Variants in CACNA1H observed in about 807,000 individuals in gnomAD.
The protein encoded by CACNA1H is voltage-dependent T-type calcium channel subunit alpha-1H.
A neutral mutation model predicts 192.5 loss-of-function variants in CACNA1H; 149 were observed. The observed-to-expected ratio is 0.77, with a 90% CI of 0.68 to 0.89. The LOEUF is 0.89. CACNA1H is among the 40% of genes least tolerant of loss of function. CACNA1H has a pLI of 0.00. For synonymous variants in CACNA1H, 2,202 were observed against 1,475.2 expected (o/e 1.49, Z -11.29); for missense variants, 4,257 against 3,423.5 (o/e 1.24, Z -6.08).
At chr16:1,189,539 C>T (rs977170361) in intron 2 of CACNA1H, among the ~76,000 whole-genome samples, 45 of 151,184 alleles carry the variant, frequency 3.0e-4, no homozygotes, top group Middle Eastern at 3.4e-3. Context: ...ACTTCAGCCT[C>T]CCCGAGTAGC....
chr16:1,210,662 G>T lies in CACNA1H; in HGVS notation c.4038+11G>T. 2 of 1,600,666 alleles carry T rather than the reference G, an allele frequency of 1.2e-6. No individual in the cohort carries two copies. ...GAGATGATGGTGAAGGTACCGCGGG[G>T]CCCGGGGACTGCCCTTGTTCCCAGG... On this transcript the variant is annotated intron_variant, in intron 20 of 34. Transcript: ENST00000348261.
intron 9 of CACNA1H, among the ~76,000 whole-genome samples, chr16:1,203,703 C>G (rs2050115): frequency 0.12 from 18,385 of 152,216 alleles, 1,494 homozygotes; most frequent in South Asian, 0.26. Flanking sequence ...TTTTGCAAGT[C>G]CCCGGCTTGT....
intron 3 of CACNA1H, 36 bp downstream of exon 3, chr16:1,195,119 G>A (rs1410508735): frequency 5.1e-6 from 7 of 1,379,898 alleles, no homozygotes; most frequent in South Asian, 1.2e-5. Context: ...AAGGAGCGTG[G>A]GTCGCTACGA....
At position 1,210,354 on chromosome 16, in the gene CACNA1H, G is replaced by GC. The variant is rs1969287403; in HGVS notation, c.3846-11dup. ...CGCCGCCCCGCCCCACCTCTCACCC[G>GC]CCCCCGCCCACCCAGGTTCCGCGTC... On this transcript the variant is annotated splice_polypyrimidine_tract_variant and intron_variant, in intron 18 of 34. Transcript: ENST00000348261. 4 of 153,656 alleles carry GC rather than the reference G, an allele frequency of 2.6e-5. No individual in the cohort carries two copies. Among genetic ancestry groups the GC allele is most frequent in the Non-Finnish European group, 4.5e-5 (4 of 89,594 alleles). The allele number at this position is 153,656 out of a possible 1,614,324, so 9.5% of individuals were successfully genotyped here. A position where few individuals can be genotyped will look rare whatever the true frequency, so the allele number is the denominator to read the frequency against.
At chr16:1,168,639 T>C (rs1180359382) in intron 2 of CACNA1H, among the ~76,000 whole-genome samples, 1 of 152,036 alleles carries the variant, frequency 6.6e-6, no homozygotes, top group African/African-American at 2.4e-5. Context: ...GAGCCCCTCA[T>C]GCATCGTGCT....
chr16:1,199,794 C>T (rs540993415), intron 6 of CACNA1H, among the ~76,000 whole-genome samples: 2 of 151,634 alleles, frequency 1.3e-5, no homozygotes, highest in Admixed American at 6.6e-5. Flanking sequence ...TCTCAGCCCT[C>T]ACCCCAGGGC....
intron 8 of CACNA1H, among the ~76,000 whole-genome samples, chr16:1,201,384 CCAGATCTG>C (rs2141251663): frequency 6.6e-6 from 1 of 152,208 alleles, no homozygotes; most frequent in African/African-American, 2.4e-5. Flanking sequence ...CATCTCAAGG[CCAGATCTG>C]CAGGTAAAGG....
rs757098120 is a variant in CACNA1H at position 1,207,772 on chromosome 16, C to T, written c.3066C>T (p.Gly1022=). The change falls in exon 15 of 35, where the codon GGC becomes GGT. Residue 1022 remains glycine (G), a splice_region_variant and synonymous_variant. Coordinates refer to ENST00000348261, the MANE Select transcript of CACNA1H (RefSeq NM_021098.3). The part of the protein sequence containing the change: ...AILVEGFQAE[G]DANRSDTDED... ...GCCTTGTGCTTTGTTGGGTTTAGGGCGATGCCAACAGATCCGACACGGACG... is the reference window on the plus strand; with the variant it reads ...GCCTTGTGCTTTGTTGGGTTTAGGGTGATGCCAACAGATCCGACACGGACG... 20 of 1,594,078 alleles carry T rather than the reference C, an allele frequency of 1.3e-5. No individual in the cohort carries two copies. Among genetic ancestry groups the T allele is most frequent in the East Asian group, 4.6e-5 (2 of 43,608 alleles).
At chr16:1,172,181 C>G (rs919264395) in intron 2 of CACNA1H, among the ~76,000 whole-genome samples, 49 of 152,172 alleles carry the variant, frequency 3.2e-4, no homozygotes, top group Non-Finnish European at 3.5e-4. Flanking sequence ...AGAGTGGCTG[C>G]GTGCCTCGAT....
intron 9 of CACNA1H, 81 bp downstream of exon 9, chr16:1,202,533 A>G (rs1968089426): frequency 3.2e-6 from 4 of 1,261,276 alleles, no homozygotes; most frequent in East Asian, 5.2e-5. Flanking sequence ...TCATTCCCAC[A>G]CCCATTGTGG....
intron 2 of CACNA1H, among the ~76,000 whole-genome samples, chr16:1,189,100 G>A (rs1401956549): frequency 6.6e-6 from 1 of 152,210 alleles, no homozygotes; most frequent in African/African-American, 2.4e-5. Context: ...GGAGGCTGGG[G>A]GGCTGCCTTT....
chr16:1,200,697 C>T lies in CACNA1H; in HGVS notation c.1120-19C>T. The T allele has an allele frequency of 1.3e-6, 2 of 1,565,204 alleles. No homozygotes were observed. The highest frequency in any genetic ancestry group is 1.7e-6 in the Non-Finnish European group (2 of 1,154,896). ...GAGGAGGGGTCGTGCGGGCCCAAGT[C>T]AAGCCACTGCCCCCCCAGGTGATCA... On this transcript the variant is annotated intron_variant, in intron 7 of 34. Transcript: ENST00000348261.
chr16:1,218,050 G>A lies in CACNA1H; in HGVS notation c.5445+10G>A, dbSNP rs376851953. The A allele has an allele frequency of 2.6e-5, 41 of 1,596,172 alleles. No homozygotes were observed. Among genetic ancestry groups the A allele is most frequent in the African/African-American group, 2.0e-4 (15 of 74,590 alleles). On this transcript the variant is annotated intron_variant, in intron 32 of 34. Transcript: ENST00000348261. ...GAACGGGATCATGAAGGTACCCGCC[G>A]CGGCCATGCCTCTGGCACCTGGCAG...
chr16:1,211,034 C>T lies in CACNA1H; in HGVS notation c.4223+63C>T, dbSNP rs574162569. On this transcript the variant is annotated intron_variant, in intron 21 of 34. Transcript: ENST00000348261. ...AGCACAGTCCCCTGACGCCACTGCC[C>T]ATTACTCCTCCCGCAGTCCTGGGCT... 42 of 1,557,594 alleles carry T rather than the reference C, an allele frequency of 2.7e-5. No individual in the cohort carries two copies. In the East Asian group the frequency reaches 8.5e-4, roughly 32 times the overall value.
At chr16:1,164,502 C>T (rs1245899984) in intron 2 of CACNA1H, among the ~76,000 whole-genome samples, 2 of 152,192 alleles carry the variant, frequency 1.3e-5, no homozygotes, top group Non-Finnish European at 2.9e-5. Flanking sequence ...GGGCCTCATA[C>T]TCTGTTCTCT....
At position 1,204,455 on chromosome 16, in the gene CACNA1H, G is replaced by A. The variant is rs1322186834; in HGVS notation, c.2448G>A (p.Glu816=). ...TGAGCATGGGCGTGGAGTACCATGAGCAGGTGCGGGCTGGCCTGGCCACGG... is the reference window on the plus strand; with the variant it reads ...TGAGCATGGGCGTGGAGTACCATGAACAGGTGCGGGCTGGCCTGGCCACGG... ...NTLSMGVEYH[E]QPEELTNALE... is the part of the protein sequence containing the mutation. Residue 816 remains glutamate, a synonymous_variant, in exon 10 of 35, where the codon GAG becomes GAA. Transcript: ENST00000348261. 3.3e-6 allele frequency: 5 copies of A among 1,528,924 alleles called. No homozygotes were observed. The highest frequency in any genetic ancestry group is 2.3e-5 in the East Asian group (1 of 44,102). 94.7% of individuals were successfully genotyped at this position (1,528,924 alleles called of 1,614,324 possible).
At chr16:1,212,953 T>TGGGCCAGCAGTCCCC (rs1320942907) in intron 26 of CACNA1H, among the ~76,000 whole-genome samples, 7 of 152,234 alleles carry the variant, frequency 4.6e-5, no homozygotes, top group Admixed American at 1.3e-4. Context: ...TTCCAGGCCC[T>TGGGCCAGCAGTCCCC]GGGCCAGCAG....
At chr16:1,216,457 G>A (rs888816741) in intron 30 of CACNA1H, among the ~76,000 whole-genome samples, 13 of 152,232 alleles carry the variant, frequency 8.5e-5, no homozygotes, top group African/African-American at 2.7e-4. Context: ...CAAGAGAGCC[G>A]TGGCAGGGGA....
At position 1,206,131 on chromosome 16, in the gene CACNA1H, C is replaced by A; in HGVS notation, c.2631C>A (p.Asp877Glu). ...TCTGGGAGATCGTGGGGCAGGCGGA[C>A]GGTGGCTTGTCTGTGCTGCGCACCT... Reference protein sequence around the residue: ...ISVWEIVGQADGGLSVLRTFR... With the variant: ...ISVWEIVGQAEGGLSVLRTFR... The change falls in exon 12 of 35, where the codon GAC becomes GAA. Residue 877 changes from aspartate to glutamate, a missense_variant. Asp to Glu is a conservative substitution (Grantham distance 45). Coordinates refer to ENST00000348261, the MANE Select transcript of CACNA1H (RefSeq NM_021098.3). The A allele has an allele frequency of 1.3e-6, 2 of 1,585,072 alleles. No individual in the cohort carries two copies. Among genetic ancestry groups the A allele is most frequent in the Non-Finnish European group, 1.7e-6 (2 of 1,168,468 alleles).
Sources: allele counts gnomAD v4.1 joint callset (sites outside exome capture counted in the v4.1 genomes callset), GRCh38; gene constraint gnomAD v4.1.1; transcripts MANE v1.5; gene names NCBI Gene and HGNC (gene_info 2026-07-23, HGNC 2026-07-21).